The following PDGFD variants were observed in gnomAD, a reference collection of about 807,000 sequenced individuals.
PDGFD encodes the protein platelet derived growth factor D.
PDGFD carries 30 observed loss-of-function variants against 44.7 expected under a neutral mutation model. The ratio of observed to expected loss-of-function variants is 0.67; its 90% CI spans 0.50 to 0.91. PDGFD has a LOEUF of 0.91. PDGFD is among the 40% of genes least tolerant of loss of function. PDGFD has a pLI of 0.00. For synonymous variants in PDGFD, 173 were observed against 168.4 expected (o/e 1.03, Z -0.21); for missense variants, 445 against 457.8 (o/e 0.97, Z 0.25).
At chr11:103,943,708 C>T (rs1015108164) in intron 4 of PDGFD, 58 bp from the exon 5 acceptor site, 3 of 1,418,790 alleles carry the variant, frequency 2.1e-6, no homozygotes, top group African/African-American at 2.8e-5. Flanking sequence ...TGAAATACAA[C>T]AGTCATTCAA....
chr11:103,990,555 G>A (rs1402734437), intron 3 of PDGFD, among the ~76,000 whole-genome samples: 2 of 152,186 alleles, frequency 1.3e-5, no homozygotes, highest in Admixed American at 6.5e-5. Context: ...CAGAGGTTCT[G>A]CCTGTCTTCC....
intron 1 of PDGFD, among the ~76,000 whole-genome samples, chr11:104,135,229 T>G (rs1421971039): frequency 6.6e-6 from 1 of 152,236 alleles, no homozygotes; most frequent in Non-Finnish European, 1.5e-5. Flanking sequence ...TTTCAGTGGC[T>G]ATTACAGCAC....
intron 1 of PDGFD, among the ~76,000 whole-genome samples, chr11:104,161,427 C>T (rs1402725325): frequency 6.6e-6 from 1 of 152,076 alleles, no homozygotes; most frequent in Non-Finnish European, 1.5e-5. Context: ...ATAAGTTATA[C>T]TTTCTCTCTG....
intron 1 of PDGFD, among the ~76,000 whole-genome samples, chr11:104,063,582 T>A (rs60444944): frequency 0.041 from 6,169 of 152,118 alleles, 414 homozygotes; most frequent in African/African-American, 0.14. Context: ...TACCGGAAAC[T>A]GGGTAATTTA....
chr11:104,070,893 T>C (rs1860863790), intron 1 of PDGFD, among the ~76,000 whole-genome samples: 1 of 152,108 alleles, frequency 6.6e-6, no homozygotes. Context: ...GAGTTGCATG[T>C]TCAGAATAAA....
At chr11:103,937,253 T>G (rs971370097) in intron 5 of PDGFD, among the ~76,000 whole-genome samples, 4 of 152,180 alleles carry the variant, frequency 2.6e-5, no homozygotes, top group African/African-American at 9.7e-5. Flanking sequence ...CCCAATAATT[T>G]TGTTCATATT....
intron 1 of PDGFD, among the ~76,000 whole-genome samples, chr11:104,096,398 C>T (rs1043533297): frequency 6.6e-6 from 1 of 152,046 alleles, no homozygotes; most frequent in South Asian, 2.1e-4. Flanking sequence ...AGTATTAATG[C>T]AAAATAAGAG....
At chr11:103,983,787 T>TTG (rs1230360432) in intron 3 of PDGFD, among the ~76,000 whole-genome samples, 1 of 151,704 alleles carries the variant, frequency 6.6e-6, no homozygotes, top group Non-Finnish European at 1.5e-5. Flanking sequence ...AAAGAAGACA[T>TTG]ACATGTGGCC....
At chr11:104,102,762 T>A (rs892126367) in intron 1 of PDGFD, among the ~76,000 whole-genome samples, 2 of 152,006 alleles carry the variant, frequency 1.3e-5, no homozygotes, top group East Asian at 3.9e-4. Flanking sequence ...AAAAGGATGA[T>A]TTCATGTCCT....
chr11:104,160,947 G>T (rs1025085230), intron 1 of PDGFD, among the ~76,000 whole-genome samples: 1 of 152,158 alleles, frequency 6.6e-6, no homozygotes. Flanking sequence ...GGAGCTATTA[G>T]GCATAGTATA....
chr11:104,115,165 A>G (rs1861614617), intron 1 of PDGFD, among the ~76,000 whole-genome samples: 1 of 151,466 alleles, frequency 6.6e-6, no homozygotes, highest in African/African-American at 2.4e-5. Flanking sequence ...TCCATTCCTG[A>G]GTAACTTCAC....
At chr11:103,990,328 C>A (rs565796965) in intron 3 of PDGFD, among the ~76,000 whole-genome samples, 2 of 152,344 alleles carry the variant, frequency 1.3e-5, no homozygotes, top group African/African-American at 4.8e-5. Context: ...AGCTTTGCGT[C>A]ATTGCTTCCT....
At position 104,118,769 on chromosome 11, in the gene PDGFD, T is replaced by C. The variant is rs1173326635; in HGVS notation, c.124+45035A>G. ...TATTATATAGTATATATTATAAATA[T>C]TAATATATAATATATTATATATTAT... On this transcript the variant is annotated intron_variant, in intron 1 of 6. Coordinates refer to ENST00000393158, the MANE Select transcript of PDGFD (RefSeq NM_025208.5). Among the ~76,000 whole-genome samples, 6 of 111,042 alleles carry C rather than the reference T, an allele frequency of 5.4e-5. No homozygotes were observed. In the East Asian group the frequency reaches 1.4e-3, roughly 26 times the overall value. The allele number at this position is 111,042 out of a possible 152,430, so 72.8% of individuals were successfully genotyped here. A position where few individuals can be genotyped will look rare whatever the true frequency, so the allele number is the denominator to read the frequency against.
intron 6 of PDGFD, among the ~76,000 whole-genome samples, chr11:103,912,806 CA>C (rs151187277): frequency 0.48 from 68,377 of 143,232 alleles, 15,670 homozygotes; most frequent in African/African-American, 0.51. Context: ...AAATGGAAAA[CA>C]AAAAAAAAAA....
intron 1 of PDGFD, among the ~76,000 whole-genome samples, chr11:104,145,021 T>C (rs892792110): frequency 2.6e-5 from 4 of 152,256 alleles, no homozygotes; most frequent in African/African-American, 9.6e-5. Flanking sequence ...TTACCATTTA[T>C]TCAGTGCCAT....
chr11:103,947,775 T>C (rs1858686667), intron 3 of PDGFD, 51 bp from the exon 4 acceptor site: 3 of 1,326,314 alleles, frequency 2.3e-6, no homozygotes, highest in African/African-American at 1.4e-5. Context: ...GTTCAATTCA[T>C]TATGTGCACA....
chr11:104,046,441 T>C (rs1445594977), intron 1 of PDGFD, among the ~76,000 whole-genome samples: 3 of 147,636 alleles, frequency 2.0e-5, no homozygotes, highest in Non-Finnish European at 4.5e-5. Flanking sequence ...ACAATGATAT[T>C]CTCTGTTCAC....
chr11:104,000,151 G>T lies in PDGFD; in HGVS notation c.229C>A (p.Leu77Met). The change falls in exon 2 of 7, where the codon CTG becomes ATG. Residue 77 changes from leucine (L) to methionine (M), a missense_variant. Leu to Met is a conservative substitution (Grantham distance 15, BLOSUM62 2). Transcript: ENST00000393158. Reference protein sequence around the residue: ...PRFPNSYPRNLLLTWRLHSQE... With the variant: ...PRFPNSYPRNMLLTWRLHSQE... ...GAGTGAAGCCGCCATGTCAGGAGCAGGTTCCTGGGGTAGCTGTTCGGGAAT... is the reference window on the plus strand; with the variant it reads ...GAGTGAAGCCGCCATGTCAGGAGCATGTTCCTGGGGTAGCTGTTCGGGAAT... The T allele has an allele frequency of 6.2e-7, 1 of 1,614,004 alleles. No homozygotes were observed. The highest frequency in any genetic ancestry group is 8.5e-7 in the Non-Finnish European group (1 of 1,179,922).
At chr11:104,075,825 C>A (rs486672) in intron 1 of PDGFD, among the ~76,000 whole-genome samples, 70,791 of 151,904 alleles carry the variant, frequency 0.47, 18,150 homozygotes, top group African/African-American at 0.69. Context: ...TTTCCCCAGG[C>A]CTTATCTGTC....
Sources: gnomAD v4.1 joint callset for allele counts (sites outside exome capture counted in the v4.1 genomes callset) on GRCh38, gnomAD v4.1.1 for gene constraint, MANE v1.5 for transcripts, NCBI Gene and HGNC (gene_info 2026-07-23, HGNC 2026-07-21) for gene names.